Variants in TIMP2 observed in about 807,000 individuals in gnomAD.
TIMP2 encodes the protein TIMP metallopeptidase inhibitor 2.
TIMP2 carries 5 observed loss-of-function variants against 24.3 expected under a neutral mutation model. That is an observed-to-expected ratio of 0.21 (90% CI 0.11 to 0.43). The LOEUF (loss-of-function observed/expected upper bound fraction) is 0.43, where lower values mean the gene tolerates loss of function less well. TIMP2 is among the 20% of genes least tolerant of loss of function. The pLI is 1.00. For synonymous variants in TIMP2, 130 were observed against 123.2 expected (o/e 1.06, Z -0.37); for missense variants, 221 against 297.5 (o/e 0.74, Z 1.89).
At chr17:78,872,180 G>A (rs531827722) in intron 2 of TIMP2, among the ~76,000 whole-genome samples, 8 of 150,612 alleles carry the variant, frequency 5.3e-5, no homozygotes, top group Non-Finnish European at 8.9e-5. Flanking sequence ...TAGCAGAGAC[G>A]AGGTCTCGCT....
intron 1 of TIMP2, among the ~76,000 whole-genome samples, chr17:78,919,789 A>T (rs1337770264): frequency 6.6e-6 from 1 of 151,956 alleles, no homozygotes; most frequent in South Asian, 2.1e-4. Context: ...GAGCCAAGAT[A>T]GCGCCACTGC....
Position 78,924,605 on chromosome 17 carries a change from C to T in TIMP2, c.130+354G>A, listed in dbSNP as rs2070334659. Among the ~76,000 whole-genome samples, 2 of 152,172 alleles carry T rather than the reference C, an allele frequency of 1.3e-5. No homozygotes were observed. The highest frequency in any genetic ancestry group is 4.1e-4 in the South Asian group (2 of 4,824). On this transcript the variant is annotated intron_variant, in intron 1 of 4. Transcript: ENST00000262768. The surrounding 1 kb of genome is among the most constrained non-coding windows in gnomAD (Gnocchi z 5.3). ...GGGTCCCCAGTCCTCCAGCCCCCCG[C>T]CCCCACGCCGTGTCCCCCACGCTCC...
At chr17:78,871,210 G>T (rs1438590244) in intron 2 of TIMP2, among the ~76,000 whole-genome samples, 1 of 152,246 alleles carries the variant, frequency 6.6e-6, no homozygotes, top group African/African-American at 2.4e-5. Flanking sequence ...CCAGCACTTT[G>T]GGAGGCTGAG....
At position 78,871,017 on chromosome 17, in the gene TIMP2, A is replaced by G; in HGVS notation, c.232-11T>C. On this transcript the variant is annotated splice_polypyrimidine_tract_variant and intron_variant, in intron 2 of 4. Coordinates refer to ENST00000262768, the MANE Select transcript of TIMP2 (RefSeq NM_003255.5). ...AGGCCCTTTGAACATCTGGAAAGACAAGGAGGAGGACATGTAAGCAGAGGG... is the reference window on the plus strand; with the variant it reads ...AGGCCCTTTGAACATCTGGAAAGACGAGGAGGAGGACATGTAAGCAGAGGG... 3 of 1,607,970 alleles carry G rather than the reference A, an allele frequency of 1.9e-6. No individual in the cohort carries two copies. Among genetic ancestry groups the G allele is most frequent in the African/African-American group, 2.7e-5 (2 of 74,862 alleles).
chr17:78,864,391 T>C (rs9909010), intron 3 of TIMP2, among the ~76,000 whole-genome samples: 121,006 of 131,652 alleles, frequency 0.92, 55,675 homozygotes, highest in African/African-American at 0.93. Context: ...CTCCCTCCCT[T>C]CCTTCCTTCC....
At chr17:78,888,824 G>A (rs1007640476) in intron 1 of TIMP2, among the ~76,000 whole-genome samples, 7 of 152,180 alleles carry the variant, frequency 4.6e-5, no homozygotes, top group African/African-American at 1.7e-4. Flanking sequence ...TCTTGGGTCT[G>A]GGTGATGGGC....
chr17:78,916,999 G>A (rs2070264566), intron 1 of TIMP2, among the ~76,000 whole-genome samples: 3 of 152,172 alleles, frequency 2.0e-5, no homozygotes, highest in Non-Finnish European at 2.9e-5. Context: ...GATGATCTTC[G>A]CATTCCTGCG....
At chr17:78,886,630 G>A (rs980424341) in intron 1 of TIMP2, among the ~76,000 whole-genome samples, 6 of 152,062 alleles carry the variant, frequency 3.9e-5, no homozygotes, top group African/African-American at 1.4e-4. Context: ...TAATCATGTT[G>A]AGCCTATAGC....
intron 1 of TIMP2, among the ~76,000 whole-genome samples, chr17:78,921,289 CCT>C (rs137944885): frequency 0.018 from 2,687 of 152,024 alleles, 84 homozygotes; most frequent in African/African-American, 0.061. Context: ...GTTGTGGACC[CCT>C]CTCTAGCTGG....
At chr17:78,869,428 AC>A (rs1227585685) in intron 3 of TIMP2, among the ~76,000 whole-genome samples, 30 of 142,738 alleles carry the variant, frequency 2.1e-4, no homozygotes, top group Middle Eastern at 7.5e-3. Flanking sequence ...AAAAAAAAAA[AC>A]AAACCAAAAA....
intron 2 of TIMP2, among the ~76,000 whole-genome samples, chr17:78,872,649 T>C (rs1004413284): frequency 6.6e-6 from 1 of 152,198 alleles, no homozygotes; most frequent in African/African-American, 2.4e-5. Context: ...AAGCATTTCC[T>C]GGGCACTGGC....
intron 1 of TIMP2, among the ~76,000 whole-genome samples, chr17:78,879,951 C>T (rs1010394040): frequency 2.0e-5 from 3 of 151,844 alleles, no homozygotes; most frequent in Admixed American, 6.6e-5. Flanking sequence ...ACCAAGGTCG[C>T]GGGAGACGAT....
At chr17:78,910,839 A>G (rs1252065526) in intron 1 of TIMP2, among the ~76,000 whole-genome samples, 2 of 152,102 alleles carry the variant, frequency 1.3e-5, no homozygotes, top group East Asian at 3.9e-4. Context: ...ATGAAATACT[A>G]TTTCATTCTT....
At position 78,888,063 on chromosome 17, in the gene TIMP2, A is replaced by C. The variant is rs377578375; in HGVS notation, c.131-14144T>G. Among the ~76,000 whole-genome samples the C allele has an allele frequency of 1.1e-4, 16 of 152,336 alleles. 3 individuals carry two copies. The highest frequency in any genetic ancestry group is 3.9e-4 in the East Asian group (2 of 5,188). On this transcript the variant is annotated intron_variant, in intron 1 of 4. Transcript: ENST00000262768. Reference sequence around the variant, plus strand: ...TATCCTTTTTATAAAGTTCAAAACCAAGTAAAACTAAACACTATGTTTAGC... The same window carrying C: ...TATCCTTTTTATAAAGTTCAAAACCCAGTAAAACTAAACACTATGTTTAGC...
intron 1 of TIMP2, chr17:78,890,788 A>G (rs1233451159): frequency 6.4e-7 from 1 of 1,550,420 alleles, no homozygotes; most frequent in Non-Finnish European, 8.7e-7. Context: ...CCGATGGGGA[A>G]GTGGTGCTGA....
intron 1 of TIMP2, 157 bp from the exon 2 acceptor site, chr17:78,874,076 G>A (rs1355299790): frequency 7.9e-5 from 45 of 573,180 alleles, no homozygotes; most frequent in South Asian, 3.7e-4. Flanking sequence ...CCCAGCCCCC[G>A]GCATGGCGTC....
chr17:78,896,917 A>C lies in TIMP2; in HGVS notation c.131-22998T>G, dbSNP rs966686348. The C allele has an allele frequency of 1.0e-6, 1 of 985,154 alleles. No individual in the cohort carries two copies. Among genetic ancestry groups the C allele is most frequent in the African/African-American group, 1.7e-5 (1 of 57,182 alleles). 61.0% of individuals were successfully genotyped at this position (985,154 alleles called of 1,614,324 possible). A position where few individuals can be genotyped will look rare whatever the true frequency, so the allele number is the denominator to read the frequency against. On this transcript the variant is annotated intron_variant, in intron 1 of 4. Transcript: ENST00000262768. This position sits in a 1 kb window ranked among gnomAD's most constrained non-coding sequence, Gnocchi z 4.4. ...CCTGGGCCCAGGAATGTGCTTGGCC[A>C]CCAGATTCCCAGCGATTCTCACCAA... is the stretch of plus-strand genomic sequence containing the variant.
chr17:78,861,957 G>A (rs1296834181), intron 3 of TIMP2, among the ~76,000 whole-genome samples: 1 of 152,196 alleles, frequency 6.6e-6, no homozygotes, highest in Non-Finnish European at 1.5e-5. Context: ...GTCTGATTAA[G>A]ACTTGGTTGG....
intron 1 of TIMP2, among the ~76,000 whole-genome samples, chr17:78,910,436 G>A (rs985708893): frequency 1.3e-5 from 2 of 152,084 alleles, no homozygotes; most frequent in African/African-American, 4.8e-5. Context: ...CAGGTGATCC[G>A]CCCACCTTGG....
Sources: allele counts gnomAD v4.1 joint callset (sites outside exome capture counted in the v4.1 genomes callset), GRCh38; gene constraint gnomAD v4.1.1; non-coding constraint Gnocchi (gnomAD v3.1); transcripts MANE v1.5; gene names NCBI Gene and HGNC (gene_info 2026-07-23, HGNC 2026-07-21).